Variants in NRK observed in about 807,000 individuals in gnomAD.
The protein encoded by NRK is nik-related protein kinase.
In NRK, 67 loss-of-function variants were observed where a neutral mutation model predicts 125.2. The ratio of observed to expected loss-of-function variants is 0.54; its 90% CI spans 0.44 to 0.66. The LOEUF (loss-of-function observed/expected upper bound fraction) is 0.66. Among genes scored for constraint, NRK ranks in the 30% least tolerant of loss-of-function variants. The pLI is 0.00. For synonymous variants in NRK, 458 were observed against 429.0 expected (o/e 1.07, Z -0.84); for missense variants, 1,224 against 1,192.9 (o/e 1.03, Z -0.38).
chrX:105,888,395 C>T lies in NRK; in HGVS notation c.354C>T (p.Pro118=), dbSNP rs1341480717. The change falls in exon 5 of 29, where the codon CCC becomes CCT. Residue 118 remains proline (P), a synonymous_variant. Transcript: ENST00000243300. ...ATGGAGCATTTTTCAAGCTGAGTCCCCCTGGTCAGCGGCACCAACTTTGGG... is the reference window on the plus strand; with the variant it reads ...ATGGAGCATTTTTCAAGCTGAGTCCTCCTGGTCAGCGGCACCAACTTTGGG... ...SFYGAFFKLS[P]PGQRHQLWMV... is the part of the protein sequence containing the mutation. The T allele has an allele frequency of 1.7e-6, 2 of 1,197,830 alleles. No individual in the cohort carries two copies. Among genetic ancestry groups the T allele is most frequent in the Non-Finnish European group, 2.3e-6 (2 of 887,887 alleles).
At position 105,958,068 on chromosome X, in the gene NRK, G is replaced by T. The variant is rs1263311735; in HGVS notation, c.*2468G>T. 1 of 112,284 alleles carries T rather than the reference G, an allele frequency of 8.9e-6. No homozygotes were observed. Among genetic ancestry groups the T allele is most frequent in the East Asian group, 2.8e-4 (1 of 3,573 alleles). 9.3% of individuals were successfully genotyped at this position (112,284 alleles called of 1,213,427 possible). A position where few individuals can be genotyped will look rare whatever the true frequency, so the allele number is the denominator to read the frequency against. ...TGAAAGTTCTGGCAGGTTATGAGCA[G>T]CACTAGGGATAAAGTATGGTTTTAT... On this transcript the variant is annotated 3_prime_UTR_variant, in exon 29 of 29. Coordinates refer to ENST00000243300, the MANE Select transcript of NRK (RefSeq NM_198465.4).
intron 5 of NRK, among the ~76,000 whole-genome samples, chrX:105,890,906 G>C (rs1334094836): frequency 9.0e-6 from 1 of 111,418 alleles, no homozygotes; most frequent in East Asian, 2.8e-4. Flanking sequence ...AATAACTTAA[G>C]TGCCTGGCAA....
intron 5 of NRK, among the ~76,000 whole-genome samples, chrX:105,891,402 T>C (rs769482981): frequency 8.9e-6 from 1 of 112,286 alleles, no homozygotes; most frequent in Non-Finnish European, 1.9e-5. Flanking sequence ...TAGTATACAC[T>C]TGAATCTCTA....
chrX:105,900,747 C>T lies in NRK; in HGVS notation c.766+75C>T, dbSNP rs73533134. The T allele has an allele frequency of 6.1e-3, 3,989 of 654,961 alleles. 99 individuals carry two copies. The African/African-American group carries it at 0.075, about 12-fold the overall frequency. 54.0% of individuals were successfully genotyped at this position (654,961 alleles called of 1,213,427 possible). On this transcript the variant is annotated intron_variant, in intron 9 of 28. Coordinates refer to ENST00000243300, the MANE Select transcript of NRK (RefSeq NM_198465.4). ...ACAAATCATACAAATCTCTCTCTGTCGAAGAAGATGAGATTGCCACTTGTA... is the reference window on the plus strand; with the variant it reads ...ACAAATCATACAAATCTCTCTCTGTTGAAGAAGATGAGATTGCCACTTGTA...
chrX:105,823,817 C>T (rs1204891966), intron 1 of NRK, among the ~76,000 whole-genome samples: 2 of 111,986 alleles, frequency 1.8e-5, no homozygotes, highest in Non-Finnish European at 3.8e-5. Context: ...GTCTTGAATG[C>T]AAAAGGCCCC....
At chrX:105,914,554 G>A (rs748344618) in intron 14 of NRK, among the ~76,000 whole-genome samples, 10 of 109,724 alleles carry the variant, frequency 9.1e-5, no homozygotes, top group Admixed American at 2.0e-4. Flanking sequence ...ATTTTTGGCC[G>A]TTACCTATTT....
intron 14 of NRK, among the ~76,000 whole-genome samples, chrX:105,914,071 A>G (rs2040334917): frequency 9.1e-6 from 1 of 110,492 alleles, no homozygotes; most frequent in Non-Finnish European, 1.9e-5. Flanking sequence ...ACAATCAAGT[A>G]GATTAGGTGA....
intron 14 of NRK, among the ~76,000 whole-genome samples, chrX:105,915,169 A>G (rs183249897): frequency 2.7e-5 from 3 of 110,663 alleles, no homozygotes; most frequent in Non-Finnish European, 5.7e-5. Flanking sequence ...GTAAAGCAGA[A>G]AAACATACTT....
intron 24 of NRK, among the ~76,000 whole-genome samples, chrX:105,945,099 C>A (rs2040795818): frequency 1.8e-5 from 2 of 111,765 alleles, no homozygotes; most frequent in African/African-American, 6.5e-5. Context: ...AGCTTCTAAC[C>A]TAGGATGTAT....
intron 2 of NRK, among the ~76,000 whole-genome samples, chrX:105,859,137 C>T (rs2039569328): frequency 9.0e-6 from 1 of 111,391 alleles, no homozygotes; most frequent in African/African-American, 3.3e-5. Flanking sequence ...TAATTGCTTG[C>T]TCAAATAGAT....
Position 105,948,401 on chromosome X carries a change from GA to G in NRK, c.4354-1172del, listed in dbSNP as rs1259399865. 5.8e-5 allele frequency: 13 copies of G among 225,343 alleles called. No individual in the cohort carries two copies. In the East Asian group the frequency reaches 9.9e-4, roughly 17 times the overall value. 18.6% of individuals were successfully genotyped at this position (225,343 alleles called of 1,213,427 possible). ...AGGGAGGGGGGTGTCTTCTGAGAAA[GA>G]ATATAATAAAAATACTATTTTTCCA... On this transcript the variant is annotated intron_variant, in intron 26 of 28. Transcript: ENST00000243300.
intron 2 of NRK, among the ~76,000 whole-genome samples, chrX:105,843,283 A>T (rs1484244932): frequency 8.9e-6 from 1 of 112,316 alleles, no homozygotes. Context: ...ATCTATCTTA[A>T]TCACCTTTGT....
intron 25 of NRK, 57 bp downstream of exon 25, chrX:105,946,072 A>G (rs2040808952): frequency 1.2e-5 from 13 of 1,071,347 alleles, no homozygotes; most frequent in Non-Finnish European, 1.7e-5. Flanking sequence ...TCTTATGATC[A>G]TTGCCAATCT....
intron 2 of NRK, among the ~76,000 whole-genome samples, chrX:105,831,656 C>T (rs2039194356): frequency 9.0e-6 from 1 of 111,586 alleles, no homozygotes. Context: ...AAATGATGAA[C>T]AAAGCAGATA....
intron 4 of NRK, among the ~76,000 whole-genome samples, chrX:105,884,631 G>A (rs1313137966): frequency 2.7e-5 from 3 of 111,947 alleles, no homozygotes; most frequent in Non-Finnish European, 3.8e-5. Context: ...CAGTCATTAA[G>A]TCAGGATAGT....
At chrX:105,924,121 G>A (rs1169703167) in intron 18 of NRK, among the ~76,000 whole-genome samples, 1 of 108,956 alleles carries the variant, frequency 9.2e-6, no homozygotes, top group Non-Finnish European at 1.9e-5. Context: ...GTTAAGCTTA[G>A]TATTTTTAGC....
chrX:105,948,777 C>CTT (rs77813783), intron 26 of NRK: 269 of 390,146 alleles, frequency 6.9e-4, no homozygotes, highest in South Asian at 1.3e-3. Flanking sequence ...TAGTTTCTGA[C>CTT]TTTTTTTTTT....
chrX:105,840,876 GA>G (rs1365131296), intron 2 of NRK, among the ~76,000 whole-genome samples: 2 of 106,998 alleles, frequency 1.9e-5, no homozygotes, highest in Non-Finnish European at 3.8e-5. Flanking sequence ...TATATACATA[GA>G]GAGAGAGTTA....
At position 105,912,712 on chromosome X, in the gene NRK, T is replaced by A; in HGVS notation, c.2306T>A (p.Ile769Lys). ...CATTCGATTCAGGCTGAAGTCCAGA[T>A]AGAGCCATTGAAGCCATACATTTCA... ...VFHSIQAEVQ[I>K]EPLKPYISNP... The change falls in exon 14 of 29, where the codon ATA (isoleucine) becomes AAA (lysine). Residue 769 changes from isoleucine to lysine, a missense_variant. By Grantham distance (102) the Ile-to-Lys change is moderately radical (BLOSUM62 -3). Coordinates refer to ENST00000243300, the MANE Select transcript of NRK (RefSeq NM_198465.4). 1 of 1,123,936 alleles carries A rather than the reference T, an allele frequency of 8.9e-7. No homozygotes were observed. The highest frequency in any genetic ancestry group is 2.6e-5 in the Admixed American group (1 of 37,739). The allele number at this position is 1,123,936 out of a possible 1,213,427, so 92.6% of individuals were successfully genotyped here.
Sources: gnomAD v4.1 joint callset for allele counts (sites outside exome capture counted in the v4.1 genomes callset) on GRCh38, gnomAD v4.1.1 for gene constraint, MANE v1.5 for transcripts, NCBI Gene and HGNC (gene_info 2026-07-23, HGNC 2026-07-21) for gene names.